Variants in FAM83H observed in about 807,000 individuals in gnomAD.
FAM83H encodes the protein protein FAM83H.
A neutral mutation model predicts 30.2 loss-of-function variants in FAM83H; 24 were observed. That is an observed-to-expected ratio of 0.79 (90% confidence interval 0.57 to 1.12). FAM83H has a LOEUF of 1.12. Ranked by LOEUF, FAM83H falls within the 50% of genes most tolerant of loss-of-function variation. The pLI is 0.00. For synonymous variants in FAM83H, 1,013 were observed against 821.7 expected, an observed-to-expected ratio of 1.23 and a Z score of -3.98; for missense variants, 2,038 against 1,773.9, an observed-to-expected ratio of 1.15 and a Z score of -2.67.
chr8:143,725,787 C>A lies in FAM83H; in HGVS notation c.*134G>T, dbSNP rs1234978447. 1.4e-6 allele frequency: 2 copies of A among 1,480,458 alleles called. No homozygotes were observed. The highest frequency in any genetic ancestry group is 2.2e-5 in the Admixed American group (1 of 45,906). The allele number at this position is 1,480,458 out of a possible 1,614,324, so 91.7% of individuals were successfully genotyped here. On this transcript the variant is annotated 3_prime_UTR_variant, in exon 5 of 5. Transcript: ENST00000388913. ...CAGTGGAGCCGAGGTCTGGCGCACT[C>A]AGCCAAGCCCCAAGCGGCCGTGGCC...
In FAM83H at chr8:143,727,818, A is replaced by T; in HGVS notation, c.1643T>A (p.Phe548Tyr). 9.1e-6 allele frequency: 12 copies of T among 1,322,272 alleles called. No homozygotes were observed. Among genetic ancestry groups the T allele is most frequent in the African/African-American group, 3.1e-5 (2 of 63,714 alleles). The allele number at this position is 1,322,272 out of a possible 1,614,324, so 81.9% of individuals were successfully genotyped here. A position where few individuals can be genotyped will look rare whatever the true frequency, so the allele number is the denominator to read the frequency against. The change falls in exon 5 of 5, where the codon TTC becomes TAC. Residue 548 changes from phenylalanine to tyrosine, a missense_variant. Transcript: ENST00000388913. ...GAPRPNLTQR[F>Y]PCQAAARPGP... ...CGGCCTCGCCGCGGCCTGGCATGGG[A>T]AGCGCTGGGTCAGGTTGGGGCGCGG...
chr8:143,727,671 T>C lies in FAM83H; in HGVS notation c.1790A>G (p.Asp597Gly). The stretch of plus-strand genomic sequence containing the variant: ...TTCCATGGGCGCCGGTAGGCCGTCG[T>C]CGCCCCCATCCTCGCCGTGGCAGCC... ...LSGCHGEDGG[D>G]DGLPAPMEAE... The change falls in exon 5 of 5, where the codon GAC becomes GGC. Residue 597 changes from aspartate to glycine, a missense_variant. By Grantham distance (94) the Asp-to-Gly change is moderately conservative (BLOSUM62 -1). Transcript: ENST00000388913. 6.4e-7 allele frequency: 1 copy of C among 1,569,042 alleles called. No individual in the cohort carries two copies. Among genetic ancestry groups the C allele is most frequent in the East Asian group, 2.3e-5 (1 of 42,630 alleles).
chr8:143,732,123 C>T (rs1818541870), intron 1 of FAM83H: 1 of 985,284 alleles, frequency 1.0e-6, no homozygotes, highest in Non-Finnish European at 1.2e-6. Flanking sequence ...TAGCCGGAGC[C>T]ACTTGGCTGA....
At position 143,727,034 on chromosome 8, in the gene FAM83H, C is replaced by T. The variant is rs782285804; in HGVS notation, c.2427G>A (p.Pro809=). The T allele has an allele frequency of 3.5e-5, 54 of 1,556,892 alleles. No individual in the cohort carries two copies. Among genetic ancestry groups the T allele is most frequent in the Non-Finnish European group, 4.7e-5 (54 of 1,156,492 alleles). ...GCGCCGCGGTGAGCGACGCGGCTCC[C>T]GGCTGCCGCTCCGCCTCCTGGTGCA... The part of the protein sequence containing the change: ...QQLHQEAERQ[P]GAASLTAAQL... The change falls in exon 5 of 5, where the codon CCG becomes CCA. Residue 809 remains proline, a synonymous_variant. Transcript: ENST00000388913.
chr8:143,725,954 G>A lies in FAM83H; in HGVS notation c.3507C>T (p.Pro1169=). The change falls in exon 5 of 5, where the codon CCC becomes CCT. Residue 1169 remains proline, a synonymous_variant. Coordinates refer to ENST00000388913, the MANE Select transcript of FAM83H (RefSeq NM_198488.5). ...TRDSKVGKFV[P]KILGTFKSKK ...TGCTTTTGAACGTGCCCAGGATCTT[G>A]GGCACGAACTTGCCCACCTTGCTGT... is the stretch of plus-strand genomic sequence containing the variant. The A allele has an allele frequency of 6.2e-7, 1 of 1,612,990 alleles. No individual in the cohort carries two copies. Among genetic ancestry groups the A allele is most frequent in the Non-Finnish European group, 8.5e-7 (1 of 1,179,940 alleles).
rs1554622219 is a variant in FAM83H, at chr8:143,726,986, C to A, written c.2475G>T (p.Arg825=). 1.9e-6 allele frequency: 3 copies of A among 1,596,840 alleles called. No individual in the cohort carries two copies. Among genetic ancestry groups the A allele is most frequent in the Non-Finnish European group, 2.6e-6 (3 of 1,173,444 alleles). The change falls in exon 5 of 5, where the codon CGG becomes CGT. Residue 825 remains arginine (R), a synonymous_variant. Transcript: ENST00000388913. The part of the protein sequence containing the change: ...TAAQLLDTLG[R]SGSDRLPSRF... ...GGGAAGGCAGGCGGTCGGAGCCGCTCCGGCCCAGTGTGTCGAGCAGCTGCG... is the reference window on the plus strand; with the variant it reads ...GGGAAGGCAGGCGGTCGGAGCCGCTACGGCCCAGTGTGTCGAGCAGCTGCG...
At position 143,725,976 on chromosome 8, in the gene FAM83H, C is replaced by T. The variant is rs1554621484; in HGVS notation, c.3485G>A (p.Ser1162Asn). 1 of 1,612,942 alleles carries T rather than the reference C, an allele frequency of 6.2e-7. No homozygotes were observed. Among genetic ancestry groups the T allele is most frequent in the African/African-American group, 1.3e-5 (1 of 74,932 alleles). The stretch of plus-strand genomic sequence containing the variant: ...CTTGGGCACGAACTTGCCCACCTTG[C>T]TGTCCCTGGTGCCCTCCTCCGCGGG... ...EGPAEEGTRD[S>N]KVGKFVPKIL... Residue 1162 changes from serine (S) to asparagine (N), a missense_variant, in exon 5 of 5, where the codon AGC (serine) becomes AAC (asparagine). Ser to Asn is a conservative substitution (Grantham distance 46). Transcript: ENST00000388913.
chr8:143,726,845 G>C lies in FAM83H; in HGVS notation c.2616C>G (p.Thr872=), dbSNP rs374727482. 5.4e-5 allele frequency: 87 copies of C among 1,613,066 alleles called. No homozygotes were observed. The African/African-American group carries it at 1.0e-3, about 19-fold the overall frequency. Reference sequence around the variant, plus strand: ...TCCCCTTCCGCTCAGGGTAAGCCGAGGTGGGGCTCCCTTTTGACTCATTAT... The same window carrying C: ...TCCCCTTCCGCTCAGGGTAAGCCGACGTGGGGCTCCCTTTTGACTCATTAT... ...VLHNESKGSP[T]SAYPERKGSP... Residue 872 remains threonine (T), a synonymous_variant, in exon 5 of 5, where the codon ACC becomes ACG. Coordinates refer to ENST00000388913, the MANE Select transcript of FAM83H (RefSeq NM_198488.5).
chr8:143,733,453 G>C lies in FAM83H; in HGVS notation c.-16+238C>G, dbSNP rs568585148. Among the ~76,000 whole-genome samples, 1 of 152,130 alleles carries C rather than the reference G, an allele frequency of 6.6e-6. No individual in the cohort carries two copies. The highest frequency in any genetic ancestry group is 1.5e-5 in the Non-Finnish European group (1 of 68,000). ...GGCCCCTTCCCCCTCGGCTCTTTTC[G>C]GGCCGGCGTCGTGCGGGGGCGCTCG... On this transcript the variant is annotated intron_variant, in intron 1 of 4. Transcript: ENST00000388913. This position sits in a 1 kb window ranked among gnomAD's most constrained non-coding sequence, Gnocchi z 5.6.
At chr8:143,731,077 AGAGT>A (rs781286835) in intron 1 of FAM83H, among the ~76,000 whole-genome samples, 5 of 151,308 alleles carry the variant, frequency 3.3e-5, no homozygotes, top group Non-Finnish European at 7.4e-5. Flanking sequence ...CCTGGGTGAC[AGAGT>A]GAGACCACAT....
Position 143,727,424 on chromosome 8 carries a change from G to A in FAM83H, c.2037C>T (p.Ser679=). Residue 679 remains serine (S), a synonymous_variant, in exon 5 of 5, where the codon AGC becomes AGT. Coordinates refer to ENST00000388913, the MANE Select transcript of FAM83H (RefSeq NM_198488.5). ...AGATGAGCGAGGAGCGCAGCCTGGA[G>A]CTGCGCTGGACCAGGGGGTTCAGGC... is the stretch of plus-strand genomic sequence containing the variant. ...RSRLNPLVQR[S]SRLRSSLIFS... 6.4e-7 allele frequency: 1 copy of A among 1,572,050 alleles called. No homozygotes were observed.
In FAM83H at chr8:143,727,876, G is replaced by A. The variant is rs1251085933; in HGVS notation, c.1585C>T (p.Pro529Ser). Residue 529 changes from proline (P) to serine (S), a missense_variant, in exon 5 of 5, where the codon CCC (proline) becomes TCC (serine). Coordinates refer to ENST00000388913, the MANE Select transcript of FAM83H (RefSeq NM_198488.5). ...CTGGGCTCCAGGCCGCGGGGTCCGG[G>A]CGCGAAGGCGGGGTCCGAGCCGTGG... is the stretch of plus-strand genomic sequence containing the variant. ...VRHGSDPAFA[P>S]GPRGLEPSGA... is the part of the protein sequence containing the mutation. The A allele has an allele frequency of 3.3e-5, 45 of 1,370,702 alleles. No homozygotes were observed. The highest frequency in any genetic ancestry group is 4.1e-5 in the Non-Finnish European group (44 of 1,072,008). The allele number at this position is 1,370,702 out of a possible 1,614,324, so 84.9% of individuals were successfully genotyped here.
At chr8:143,729,992 G>T in intron 2 of FAM83H, 144 bp downstream of exon 2, 2 of 733,528 alleles carry the variant, frequency 2.7e-6, no homozygotes, top group Non-Finnish European at 4.3e-6. Flanking sequence ...AGACCTGGCA[G>T]CCCTGAAGAT....
At position 143,731,520 on chromosome 8, in the gene FAM83H, G is replaced by A. The variant is rs115572129; in HGVS notation, c.-15-923C>T. ...GGCTCCCACAGCCCATTCTATGACCGCCCAGTCCTGGAACACTGATCCCTA... is the reference window on the plus strand; with the variant it reads ...GGCTCCCACAGCCCATTCTATGACCACCCAGTCCTGGAACACTGATCCCTA... On this transcript the variant is annotated intron_variant, in intron 1 of 4. Coordinates refer to ENST00000388913, the MANE Select transcript of FAM83H (RefSeq NM_198488.5). 179 of 985,312 alleles carry A rather than the reference G, an allele frequency of 1.8e-4. 1 individual carries two copies. In the African/African-American group the frequency reaches 2.8e-3, roughly 16 times the overall value. 61.0% of individuals were successfully genotyped at this position (985,312 alleles called of 1,614,324 possible).
In FAM83H at chr8:143,728,195, G is replaced by A. The variant is rs1554623199; in HGVS notation, c.1266C>T (p.Asn422=). Residue 422 remains asparagine (N), a synonymous_variant, in exon 5 of 5, where the codon AAC becomes AAT. Coordinates refer to ENST00000388913, the MANE Select transcript of FAM83H (RefSeq NM_198488.5). ...GCGACACCTGCCGCGCGGCCGCGAAGTTCTCCACGGCGCCCGCGCCCTCGG... is the reference window on the plus strand; with the variant it reads ...GCGACACCTGCCGCGCGGCCGCGAAATTCTCCACGGCGCCCGCGCCCTCGG... ...FATEGAGAVE[N]FAAARQVSRQ... The A allele has an allele frequency of 1.2e-6, 2 of 1,603,558 alleles. No homozygotes were observed. The highest frequency in any genetic ancestry group is 8.5e-7 in the Non-Finnish European group (1 of 1,178,088).
At position 143,728,024 on chromosome 8, in the gene FAM83H, G is replaced by T; in HGVS notation, c.1437C>A (p.Gly479=). The change falls in exon 5 of 5, where the codon GGC becomes GGA. Residue 479 remains glycine, a synonymous_variant. Transcript: ENST00000388913. ...PQGLFEKLRG[G]RAGFADPDDF... is the part of the protein sequence containing the mutation. ...CATCCGGGTCCGCGAAACCCGCGCG[G>T]CCCCCGCGAAGCTTCTCGAACAGGC... is the stretch of plus-strand genomic sequence containing the variant. 6.2e-7 allele frequency: 1 copy of T among 1,603,998 alleles called. No individual in the cohort carries two copies.
At position 143,730,396 on chromosome 8, in the gene FAM83H, G is replaced by A. The variant is rs782645463; in HGVS notation, c.187C>T (p.His63Tyr). 48 of 1,613,416 alleles carry A rather than the reference G, an allele frequency of 3.0e-5. 1 individual carries two copies. Among genetic ancestry groups the A allele is most frequent in the Admixed American group, 1.3e-4 (8 of 60,032 alleles). Residue 63 changes from histidine (H) to tyrosine (Y), a missense_variant, in exon 2 of 5, where the codon CAT becomes TAT. His to Tyr is a moderately conservative substitution (Grantham distance 83). Coordinates refer to ENST00000388913, the MANE Select transcript of FAM83H (RefSeq NM_198488.5). ...GGAGGCCGAAGGTGTCGGCTCACAT[G>A]TTCCAGCTCTTCAGGGCACAGGAAG... ...PDFLCPEELE[H>Y]VSRHLRPPQY...
chr8:143,727,700 C>T lies in FAM83H; in HGVS notation c.1761G>A (p.Leu587=). 1 of 1,557,138 alleles carries T rather than the reference C, an allele frequency of 6.4e-7. No homozygotes were observed. Among genetic ancestry groups the T allele is most frequent in the Admixed American group, 1.8e-5 (1 of 55,046 alleles). The change falls in exon 5 of 5, where the codon TTG becomes TTA. Residue 587 remains leucine (L), a synonymous_variant. Coordinates refer to ENST00000388913, the MANE Select transcript of FAM83H (RefSeq NM_198488.5). The stretch of plus-strand genomic sequence containing the variant: ...CCCCATCCTCGCCGTGGCAGCCGCT[C>T]AAGTAGGAGGCCAAACGCCAGCGCC... ...GLRRWRLASY[L]SGCHGEDGGD...
chr8:143,727,942 G>A lies in FAM83H; in HGVS notation c.1519C>T (p.Arg507Trp), dbSNP rs563408432. The A allele has an allele frequency of 7.8e-6, 12 of 1,546,522 alleles. No homozygotes were observed. The Admixed American group carries it at 1.6e-4, about 20-fold the overall frequency. ...FPELGPDGHQ[R>W]LDYVPSSASR... is the part of the protein sequence containing the mutation. ...GCGCTGGACGGCACGTAGTCCAGCC[G>A]CTGGTGCCCGTCGGGTCCGAGCTCC... The change falls in exon 5 of 5, where the codon CGG becomes TGG. Residue 507 changes from arginine to tryptophan, a missense_variant. Arg to Trp is a moderately radical substitution (Grantham distance 101). Transcript: ENST00000388913.
Sources: gnomAD v4.1 joint callset for allele counts (sites outside exome capture counted in the v4.1 genomes callset) on GRCh38, gnomAD v4.1.1 for gene constraint, Gnocchi (gnomAD v3.1) non-coding constraint, MANE v1.5 for transcripts, NCBI Gene and HGNC (gene_info 2026-07-23, HGNC 2026-07-21) for gene names.